IL17RA: variants seen among roughly 807,000 people sequenced by gnomAD.
The protein encoded by IL17RA is interleukin-17 receptor A.
IL17RA carries 34 observed loss-of-function variants against 50.4 expected under a neutral mutation model. The ratio of observed to expected loss-of-function variants is 0.67; its 90% CI spans 0.51 to 0.90. The LOEUF (loss-of-function observed/expected upper bound fraction) is 0.90, where lower values mean the gene tolerates loss of function less well. Ranked by LOEUF, IL17RA falls within the 40% of genes least tolerant of loss-of-function variation. The pLI is 0.00. For synonymous variants in IL17RA, 585 were observed against 510.4 expected (o/e 1.15, Z -1.97); for missense variants, 1,276 against 1,169.8 (o/e 1.09, Z -1.32).
chr22:17,098,040 G>A (rs1355883171), intron 3 of IL17RA, 97 bp downstream of exon 3: 1 of 1,441,260 alleles, frequency 6.9e-7, no homozygotes, highest in Non-Finnish European at 9.7e-7. Context: ...CCTGTGCTCA[G>A]ACATGGGGGT....
At chr22:17,090,083 C>T (rs904588863) in intron 1 of IL17RA, among the ~76,000 whole-genome samples, 4 of 151,814 alleles carry the variant, frequency 2.6e-5, no homozygotes, top group African/African-American at 9.7e-5. Context: ...AGTGCAGGGG[C>T]GCAATCTCTG....
chr22:17,089,183 A>G (rs2061339250), intron 1 of IL17RA, among the ~76,000 whole-genome samples: 1 of 152,128 alleles, frequency 6.6e-6, no homozygotes, highest in Non-Finnish European at 1.5e-5. Flanking sequence ...TCGGCCTCCA[A>G]AAATGTTGGG....
chr22:17,104,689 A>C (rs1484625191), intron 8 of IL17RA, 37 bp from the exon 9 acceptor site: 1 of 1,597,204 alleles, frequency 6.3e-7, no homozygotes, highest in South Asian at 1.1e-5. Flanking sequence ...GGCGCTCTAC[A>C]GTTCTGGAGC....
At chr22:17,105,725 G>GA in intron 10 of IL17RA, 123 bp downstream of exon 10, 1 of 1,343,702 alleles carries the variant, frequency 7.4e-7, no homozygotes, top group South Asian at 1.2e-5. Flanking sequence ...CGGGGTGGGG[G>GA]GTGAGACCAT....
Position 17,109,212 on chromosome 22 carries a change from C to T in IL17RA, c.1993C>T (p.Leu665Phe), listed in dbSNP as rs544653285. 5.3e-6 allele frequency: 8 copies of T among 1,503,178 alleles called. No homozygotes were observed. In the South Asian group the frequency reaches 7.7e-5, roughly 14 times the overall value. The allele number at this position is 1,503,178 out of a possible 1,614,324, so 93.1% of individuals were successfully genotyped here. A position where few individuals can be genotyped will look rare whatever the true frequency, so the allele number is the denominator to read the frequency against. Residue 665 changes from leucine (L) to phenylalanine (F), a missense_variant, in exon 13 of 13, where the codon CTC (leucine) becomes TTC (phenylalanine). Transcript: ENST00000319363. ...QPRGQPAPQP[L>F]HTLVLAAEEG... is the part of the protein sequence containing the mutation. ...CCGGGGTCAGCCAGCGCCGCAGCCC[C>T]TCCACACCCTGGTGCTCGCCGCAGA...
intron 9 of IL17RA, 50 bp from the exon 10 acceptor site, chr22:17,105,541 G>A (rs769813318): frequency 1.7e-5 from 27 of 1,584,724 alleles, no homozygotes; most frequent in Non-Finnish European, 2.3e-5. Flanking sequence ...TGTGATGACT[G>A]GGAAGGGTTA....
chr22:17,106,780 G>A (rs2061416665), intron 11 of IL17RA, among the ~76,000 whole-genome samples: 1 of 152,208 alleles, frequency 6.6e-6, no homozygotes, highest in Non-Finnish European at 1.5e-5. Context: ...GAGGACCTAT[G>A]GGAGGTTCCA....
chr22:17,109,320 G>A lies in IL17RA; in HGVS notation c.2101G>A (p.Glu701Lys). The change falls in exon 13 of 13, where the codon GAG becomes AAG. Residue 701 changes from glutamate to lysine, a missense_variant. Coordinates refer to ENST00000319363, the MANE Select transcript of IL17RA (RefSeq NM_014339.7). ...AVRLALAGEG[E>K]ACPLLGSPGA... Reference sequence around the variant, plus strand: ...CCGGCTGGCACTGGCGGGGGAGGGCGAGGCCTGCCCGCTGCTGGGCAGCCC... The same window carrying A: ...CCGGCTGGCACTGGCGGGGGAGGGCAAGGCCTGCCCGCTGCTGGGCAGCCC... 6.5e-7 allele frequency: 1 copy of A among 1,540,062 alleles called. No individual in the cohort carries two copies. The highest frequency in any genetic ancestry group is 2.4e-5 in the East Asian group (1 of 41,448).
In IL17RA at chr22:17,109,078, G is replaced by A. The variant is rs1256706077; in HGVS notation, c.1859G>A (p.Arg620Gln). Residue 620 changes from arginine (R) to glutamine (Q), a missense_variant, in exon 13 of 13, where the codon CGG becomes CAG. Arg to Gln is a conservative substitution (Grantham distance 43). Coordinates refer to ENST00000319363, the MANE Select transcript of IL17RA (RefSeq NM_014339.7). The part of the protein sequence containing the change: ...LLPPGTGIVK[R>Q]APLVREPGSQ... ...CCTCCGGGAACCGGCATCGTGAAGC[G>A]GGCGCCCCTGGTGCGCGAGCCTGGC... 3 of 1,576,636 alleles carry A rather than the reference G, an allele frequency of 1.9e-6. No individual in the cohort carries two copies. Among genetic ancestry groups the A allele is most frequent in the South Asian group, 2.3e-5 (2 of 88,070 alleles).
intron 1 of IL17RA, among the ~76,000 whole-genome samples, chr22:17,094,398 CA>C (rs200621853): frequency 2.7e-5 from 4 of 148,678 alleles, no homozygotes; most frequent in South Asian, 2.1e-4. Flanking sequence ...TGAGAATTTA[CA>C]AAAAAAAATG....
rs765592908 is a variant in IL17RA, at chr22:17,105,863, C to T, written c.954C>T (p.Pro318=). Residue 318 remains proline (P), a synonymous_variant, in exon 11 of 13, where the codon CCC becomes CCT. Transcript: ENST00000319363. ...DTPEPIPDYM[P]LWVYWFITGI... is the part of the protein sequence containing the mutation. ...TTCTGCTCACCGCAGACTACATGCCCCTGTGGGTGTACTGGTTCATCACGG... is the reference window on the plus strand; with the variant it reads ...TTCTGCTCACCGCAGACTACATGCCTCTGTGGGTGTACTGGTTCATCACGG... The T allele has an allele frequency of 2.5e-6, 4 of 1,613,846 alleles. No individual in the cohort carries two copies. The highest frequency in any genetic ancestry group is 2.2e-5 in the South Asian group (2 of 91,082).
Position 17,105,611 on chromosome 22 carries a change from G to C in IL17RA, c.943+9G>C, listed in dbSNP as rs370520914. 60 of 1,613,212 alleles carry C rather than the reference G, an allele frequency of 3.7e-5. No individual in the cohort carries two copies. Among genetic ancestry groups the C allele is most frequent in the Non-Finnish European group, 4.5e-5 (53 of 1,179,266 alleles). On this transcript the variant is annotated intron_variant, in intron 10 of 12. Coordinates refer to ENST00000319363, the MANE Select transcript of IL17RA (RefSeq NM_014339.7). Reference sequence around the variant, plus strand: ...TGCAGAACCAATTCCGGGTAAGCTTGGATCTCTCTCCGACAGCACTGCAGC... The same window carrying C: ...TGCAGAACCAATTCCGGGTAAGCTTCGATCTCTCTCCGACAGCACTGCAGC...
Position 17,109,739 on chromosome 22 carries a change from G to A in IL17RA, c.2520G>A (p.Gln840=). ...PEDLESLRSL[Q]RQLLFRQLQK... is the part of the protein sequence containing the mutation. ...ACCTGGAGAGCCTGAGGAGCCTCCA[G>A]CGGCAGCTGCTTTTCCGCCAGCTGC... The change falls in exon 13 of 13, where the codon CAG becomes CAA. Residue 840 remains glutamine, a synonymous_variant. Coordinates refer to ENST00000319363, the MANE Select transcript of IL17RA (RefSeq NM_014339.7). 1.3e-6 allele frequency: 2 copies of A among 1,565,774 alleles called. No individual in the cohort carries two copies. The highest frequency in any genetic ancestry group is 1.7e-6 in the Non-Finnish European group (2 of 1,155,734).
intron 1 of IL17RA, among the ~76,000 whole-genome samples, chr22:17,090,751 A>G (rs2061345166): frequency 6.6e-6 from 1 of 152,204 alleles, no homozygotes; most frequent in African/African-American, 2.4e-5. Flanking sequence ...AATAGTCAGC[A>G]TTTATATAAC....
At position 17,108,606 on chromosome 22, in the gene IL17RA, G is replaced by A. The variant is rs757649231; in HGVS notation, c.1387G>A (p.Ala463Thr). ...AKWQALLGRG[A>T]PVRLRCDHGK... ...GTGGCAGGCGCTCCTGGGCCGGGGG[G>A]CGCCTGTGCGGCTGCGCTGCGACCA... is the stretch of plus-strand genomic sequence containing the variant. The change falls in exon 13 of 13, where the codon GCG becomes ACG. Residue 463 changes from alanine (A) to threonine (T), a missense_variant. Transcript: ENST00000319363. The A allele has an allele frequency of 5.0e-6, 8 of 1,604,476 alleles. No individual in the cohort carries two copies. The highest frequency in any genetic ancestry group is 6.8e-6 in the Non-Finnish European group (8 of 1,179,572).
chr22:17,089,426 A>G (rs1258052631), intron 1 of IL17RA, among the ~76,000 whole-genome samples: 1 of 152,190 alleles, frequency 6.6e-6, no homozygotes, highest in African/African-American at 2.4e-5. Context: ...ATATGTACAA[A>G]GTGCTTAGCA....
chr22:17,087,926 C>T (rs1408344441), intron 1 of IL17RA, among the ~76,000 whole-genome samples: 1 of 152,176 alleles, frequency 6.6e-6, no homozygotes, highest in African/African-American at 2.4e-5. Context: ...TGTAGAACAG[C>T]TGCTCAGTTT....
intron 1 of IL17RA, among the ~76,000 whole-genome samples, chr22:17,090,543 T>G (rs2061344597): frequency 6.6e-6 from 1 of 152,228 alleles, no homozygotes; most frequent in South Asian, 2.1e-4. Flanking sequence ...CCCCTAAACC[T>G]GCTCCCCAAA....
chr22:17,089,878 A>C (rs2061341765), intron 1 of IL17RA, among the ~76,000 whole-genome samples: 1 of 151,952 alleles, frequency 6.6e-6, no homozygotes, highest in Non-Finnish European at 1.5e-5. Context: ...AAACAAACAA[A>C]AAAAAAAACG....
Sources: allele counts gnomAD v4.1 joint callset (sites outside exome capture counted in the v4.1 genomes callset), GRCh38; gene constraint gnomAD v4.1.1; transcripts MANE v1.5; gene names NCBI Gene and HGNC (gene_info 2026-07-23, HGNC 2026-07-21).